Variants in MYH9 observed in about 807,000 individuals in gnomAD.
MYH9 encodes myosin heavy chain 9.
In MYH9, 29 loss-of-function variants were observed where a neutral mutation model predicts 241.9. That is an observed-to-expected ratio of 0.12 (90% confidence interval 0.09 to 0.16). MYH9 has a LOEUF of 0.16. Among genes scored for constraint, MYH9 ranks in the 10% least tolerant of loss-of-function variants. The pLI, the probability that MYH9 is intolerant of heterozygous loss-of-function variation, is 1.00. For synonymous variants in MYH9, 1,047 were observed against 1,062.6 expected, an observed-to-expected ratio of 0.99 and a Z score of 0.29; for missense variants, 1,803 against 2,595.5, an observed-to-expected ratio of 0.69 and a Z score of 6.63.
chr22:36,295,435 G>T lies in MYH9; in HGVS notation c.3485+70C>A. The T allele has an allele frequency of 7.8e-7, 1 of 1,287,616 alleles. No homozygotes were observed. Among genetic ancestry groups the T allele is most frequent in the Non-Finnish European group, 1.1e-6 (1 of 902,610 alleles). The allele number at this position is 1,287,616 out of a possible 1,614,324, so 79.8% of individuals were successfully genotyped here. A position where few individuals can be genotyped will look rare whatever the true frequency, so the allele number is the denominator to read the frequency against. Reference sequence around the variant, plus strand: ...GTGTGTGTGTGTGCAGAGGCCCGGGGTCCATGTCTCCAAGCCAAGGCCCCC... The same window carrying T: ...GTGTGTGTGTGTGCAGAGGCCCGGGTTCCATGTCTCCAAGCCAAGGCCCCC... On this transcript the variant is annotated intron_variant, in intron 26 of 40. Transcript: ENST00000216181. The surrounding 1 kb of genome is among the most constrained non-coding windows in gnomAD (Gnocchi z 4.1).
intron 2 of MYH9, among the ~76,000 whole-genome samples, chr22:36,348,526 A>T (rs998272621): frequency 7.0e-6 from 1 of 142,554 alleles, no homozygotes; most frequent in Non-Finnish European, 1.5e-5. Flanking sequence ...AAAAAAAATT[A>T]AATTAAATTA....
chr22:36,321,490 C>T (rs1353662778), intron 7 of MYH9, among the ~76,000 whole-genome samples: 2 of 152,212 alleles, frequency 1.3e-5, no homozygotes, highest in South Asian at 2.1e-4. Context: ...ATCCCCCAAA[C>T]GCCTACCTCT....
chr22:36,303,583 G>T (rs1482899617), intron 19 of MYH9, among the ~76,000 whole-genome samples: 2 of 151,824 alleles, frequency 1.3e-5, no homozygotes, highest in Non-Finnish European at 2.9e-5. Context: ...AGGAGTTCGA[G>T]ACCAGCCTGG....
At position 36,288,859 on chromosome 22, in the gene MYH9, G is replaced by A. The variant is rs727503283; in HGVS notation, c.4638C>T (p.Asp1546=). The A allele has an allele frequency of 3.4e-5, 55 of 1,613,836 alleles. No homozygotes were observed. The highest frequency in any genetic ancestry group is 1.6e-4 in the Middle Eastern group (1 of 6,082). ...EMKTQLEELE[D]ELQATEDAKL... ...TGGCATCTTCGGTGGCCTGCAGCTC[G>A]TCCTCCAGCTCTTCCAGCTGCGTCT... The change falls in exon 33 of 41, where the codon GAC becomes GAT. Residue 1546 remains aspartate, a synonymous_variant. Coordinates refer to ENST00000216181, the MANE Select transcript of MYH9 (RefSeq NM_002473.6). The surrounding 1 kb of genome is among the most constrained non-coding windows in gnomAD (Gnocchi z 4.8).
chr22:36,297,315 T>G, intron 24 of MYH9: 2 of 412,028 alleles, frequency 4.9e-6, no homozygotes, highest in South Asian at 5.8e-5. Flanking sequence ...CATGTCTGTA[T>G]CTCTAAAAAA....
intron 1 of MYH9, among the ~76,000 whole-genome samples, chr22:36,374,814 C>A (rs896800047): frequency 6.6e-6 from 1 of 152,132 alleles, no homozygotes; most frequent in African/African-American, 2.4e-5. Context: ...TTTCACCAGC[C>A]CCAGGTGACT....
intron 14 of MYH9, among the ~76,000 whole-genome samples, chr22:36,310,167 G>C (rs1426840927): frequency 1.3e-5 from 2 of 152,038 alleles, no homozygotes; most frequent in African/African-American, 4.8e-5. Flanking sequence ...CCCCTAGGGG[G>C]GCTGAGGCAG....
chr22:36,356,688 G>A (rs2017862414), intron 1 of MYH9, among the ~76,000 whole-genome samples: 1 of 148,956 alleles, frequency 6.7e-6, no homozygotes, highest in Admixed American at 6.7e-5. Context: ...CTAATACATA[G>A]AGAATCCACA....
chr22:36,342,657 G>C (rs1349748618), intron 2 of MYH9, among the ~76,000 whole-genome samples: 1 of 151,228 alleles, frequency 6.6e-6, no homozygotes, highest in African/African-American at 2.4e-5. Context: ...ATTCCTAAAA[G>C]CTGCGCAAGA....
intron 3 of MYH9, among the ~76,000 whole-genome samples, chr22:36,339,259 C>T (rs747906233): frequency 7.2e-5 from 11 of 152,180 alleles, no homozygotes; most frequent in Non-Finnish European, 1.5e-5. Flanking sequence ...CATCCCAATC[C>T]AGGATCCAAG....
chr22:36,303,767 AGAGT>A (rs1265535408), intron 19 of MYH9, among the ~76,000 whole-genome samples: 4 of 148,170 alleles, frequency 2.7e-5, no homozygotes, highest in East Asian at 2.0e-4. Flanking sequence ...CCTGGGCGAC[AGAGT>A]GAGACTCCGT....
intron 5 of MYH9, chr22:36,325,246 G>A (rs902475987): frequency 7.8e-6 from 5 of 640,762 alleles, no homozygotes; most frequent in Non-Finnish European, 8.3e-6. Context: ...ACGCCCCATG[G>A]AAAAAGATTC....
chr22:36,299,999 A>G, intron 23 of MYH9, 128 bp downstream of exon 23: 1 of 1,352,202 alleles, frequency 7.4e-7, no homozygotes, highest in Admixed American at 1.7e-5. Context: ...GTTAAGCAGA[A>G]GCCCTCATGC....
chr22:36,325,170 GAGAGAGAGAGAC>G (rs2017316007), intron 5 of MYH9: 4 of 738,026 alleles, frequency 5.4e-6, no homozygotes, highest in Middle Eastern at 2.3e-4. Context: ...GAGGGATGGA[GAGAGAGAGAGAC>G]AGAGAGGGAG....
At position 36,313,041 on chromosome 22, in the gene MYH9, G is replaced by A. The variant is rs371233530; in HGVS notation, c.1555-819C>T. 4.7e-5 allele frequency among the ~76,000 whole-genome samples: 7 copies of A among 150,480 alleles called. No individual in the cohort carries two copies. The East Asian group carries it at 1.4e-3, about 29-fold the overall frequency. On this transcript the variant is annotated intron_variant, in intron 13 of 40. Coordinates refer to ENST00000216181, the MANE Select transcript of MYH9 (RefSeq NM_002473.6). The stretch of plus-strand genomic sequence containing the variant: ...GGAGGCAAAGGTTGCAGTGAGCCGA[G>A]AGCACGCCATTGCACTCCAGCCTGG...
At chr22:36,289,059 A>C in intron 32 of MYH9, 26 bp downstream of exon 32, 1 of 1,613,624 alleles carries the variant, frequency 6.2e-7, no homozygotes, top group Non-Finnish European at 8.5e-7. Flanking sequence ...CCTTCCCAAG[A>C]CCTGGCTGCC....
At chr22:36,316,985 A>G (rs2017163723) in intron 11 of MYH9, among the ~76,000 whole-genome samples, 2 of 151,376 alleles carry the variant, frequency 1.3e-5, no homozygotes, top group Admixed American at 6.6e-5. Context: ...CGGCCGTACC[A>G]CCCTAAATGC....
At position 36,320,412 on chromosome 22, in the gene MYH9, A is replaced by C; in HGVS notation, c.869-49T>G. Reference sequence around the variant, plus strand: ...CGCCTCAGCGAGGTGCTGAAAGTGGAGGCTCCATCAGCGCTGTGACCTCAA... The same window carrying C: ...CGCCTCAGCGAGGTGCTGAAAGTGGCGGCTCCATCAGCGCTGTGACCTCAA... On this transcript the variant is annotated intron_variant, in intron 8 of 40. Coordinates refer to ENST00000216181, the MANE Select transcript of MYH9 (RefSeq NM_002473.6). The surrounding 1 kb of genome is among the most constrained non-coding windows in gnomAD (Gnocchi z 4.8). The C allele has an allele frequency of 6.2e-7, 1 of 1,604,536 alleles. No individual in the cohort carries two copies. The highest frequency in any genetic ancestry group is 1.1e-5 in the South Asian group (1 of 91,016).
At chr22:36,315,673 G>A (rs571711365) in intron 12 of MYH9, among the ~76,000 whole-genome samples, 3 of 151,864 alleles carry the variant, frequency 2.0e-5, no homozygotes, top group Non-Finnish European at 4.4e-5. Context: ...GCTTATGCCC[G>A]GGAGGTCGAA....
Sources: allele counts gnomAD v4.1 joint callset (sites outside exome capture counted in the v4.1 genomes callset), GRCh38; gene constraint gnomAD v4.1.1; non-coding constraint Gnocchi (gnomAD v3.1); transcripts MANE v1.5; gene names NCBI Gene and HGNC (gene_info 2026-07-23, HGNC 2026-07-21).